TAFA5: variants seen among roughly 807,000 people sequenced by gnomAD.
TAFA5 encodes TAFA chemokine like family member 5, also known as chemokine-like protein TAFA-5.
Under a neutral mutation model 15.3 loss-of-function variants are expected in TAFA5, and 6 were observed. That is an observed-to-expected ratio of 0.39 (90% CI 0.21 to 0.77). The LOEUF (loss-of-function observed/expected upper bound fraction) is 0.77, where lower values mean the gene tolerates loss of function less well. Ranked by LOEUF, TAFA5 falls within the 30% of genes least tolerant of loss-of-function variation. TAFA5 has a pLI of 0.41. For missense variants in TAFA5, 161 were observed against 193.1 expected, an observed-to-expected ratio of 0.83 and a Z score of 0.98; for synonymous variants, 103 against 80.7, an observed-to-expected ratio of 1.28 and a Z score of -1.48.
intron 2 of TAFA5, among the ~76,000 whole-genome samples, chr22:48,698,166 AGTAGTGATGATG>A (rs1928785427): frequency 6.7e-6 from 1 of 149,556 alleles, no homozygotes; most frequent in South Asian, 2.1e-4. Context: ...TGATAGTGAT[AGTAGTGATGATG>A]GTGGTGATGA....
At chr22:48,707,947 A>G in intron 3 of TAFA5, 103 bp downstream of exon 3, 55 of 1,454,320 alleles carry the variant, frequency 3.8e-5, no homozygotes, top group Non-Finnish European at 4.7e-5. Context: ...GCAGCTGCTC[A>G]CTCCATCCTC....
intron 1 of TAFA5, among the ~76,000 whole-genome samples, chr22:48,583,586 C>T (rs1404458726): frequency 6.6e-6 from 1 of 151,120 alleles, no homozygotes; most frequent in Admixed American, 6.6e-5. Context: ...ACACACACCA[C>T]ACACCAAATA....
chr22:48,518,470 G>C (rs1386096219), intron 1 of TAFA5, among the ~76,000 whole-genome samples: 1 of 152,200 alleles, frequency 6.6e-6, no homozygotes, highest in Non-Finnish European at 1.5e-5. Flanking sequence ...GTCCGTCTGT[G>C]TCTCCTCCGC....
At chr22:48,501,158 C>T (rs981517237) in intron 1 of TAFA5, among the ~76,000 whole-genome samples, 1 of 152,186 alleles carries the variant, frequency 6.6e-6, no homozygotes, top group Non-Finnish European at 1.5e-5. Flanking sequence ...GTGGTGAGCC[C>T]CTCCCTCCGC....
At chr22:48,625,465 C>A (rs1925995803) in intron 1 of TAFA5, among the ~76,000 whole-genome samples, 2 of 152,246 alleles carry the variant, frequency 1.3e-5, no homozygotes, top group South Asian at 4.1e-4. Context: ...CAAGTATCCG[C>A]GTATAGCACT....
intron 1 of TAFA5, among the ~76,000 whole-genome samples, chr22:48,509,007 T>A (rs181159667): frequency 6.6e-6 from 1 of 152,206 alleles, no homozygotes; most frequent in Non-Finnish European, 1.5e-5. Context: ...TTCTCCTCTC[T>A]ATTTCTATGA....
At chr22:48,594,879 T>G (rs1160537781) in intron 1 of TAFA5, among the ~76,000 whole-genome samples, 1 of 62,546 alleles carries the variant, frequency 1.6e-5, no homozygotes, top group East Asian at 4.9e-4. Flanking sequence ...CTGAGCACAT[T>G]TTTTTTTTTT....
In TAFA5 at chr22:48,507,470, G is replaced by A. The variant is rs4823791; in HGVS notation, c.112+17766G>A. On this transcript the variant is annotated intron_variant, in intron 1 of 3. Coordinates refer to ENST00000402357, the MANE Select transcript of TAFA5 (RefSeq NM_001082967.3). ...TTGGAAAATCGCCAGACGTGGTGGC[G>A]TCTGCCTGGGACTTGATTTCTCTGA... 6.8e-3 allele frequency among the ~76,000 whole-genome samples: 1,043 copies of A among 152,334 alleles called. 8 individuals are homozygous for A. The highest frequency in any genetic ancestry group is 0.01 in the Non-Finnish European group (694 of 68,032).
At chr22:48,629,353 C>T (rs889658148) in intron 1 of TAFA5, among the ~76,000 whole-genome samples, 18 of 152,162 alleles carry the variant, frequency 1.2e-4, no homozygotes, top group African/African-American at 4.3e-4. Flanking sequence ...GTCCTGGCCT[C>T]GGCACCCCGG....
intron 1 of TAFA5, among the ~76,000 whole-genome samples, chr22:48,537,755 G>A (rs1465461540): frequency 6.6e-6 from 1 of 152,226 alleles, no homozygotes; most frequent in South Asian, 2.1e-4. Context: ...CAGCCCAGCA[G>A]CCTAGAAGGC....
intron 1 of TAFA5, among the ~76,000 whole-genome samples, chr22:48,592,457 C>G (rs906424572): frequency 3.9e-5 from 6 of 152,240 alleles, no homozygotes; most frequent in African/African-American, 1.4e-4. Flanking sequence ...TGGGACGTTG[C>G]ACTCAGCTCT....
intron 1 of TAFA5, among the ~76,000 whole-genome samples, chr22:48,593,326 A>G (rs544035814): frequency 5.3e-5 from 8 of 152,276 alleles, no homozygotes; most frequent in African/African-American, 1.4e-4. Flanking sequence ...ATGGGGAAAT[A>G]GAGGCACGGG....
intron 3 of TAFA5, among the ~76,000 whole-genome samples, chr22:48,737,469 G>A (rs899262975): frequency 8.5e-5 from 13 of 152,198 alleles, no homozygotes; most frequent in Non-Finnish European, 1.6e-4. Flanking sequence ...ACTGAATGAG[G>A]CTGTGGAGCT....
In TAFA5 at chr22:48,745,368, G is replaced by A. The variant is rs930692712; in HGVS notation, c.391-4471G>A. Among the ~76,000 whole-genome samples the A allele has an allele frequency of 8.8e-4, 130 of 147,870 alleles. 2 individuals carry two copies. Among genetic ancestry groups the A allele is most frequent in the African/African-American group, 3.2e-3 (125 of 39,584 alleles). ...GGCACACAACGGCTTTGTCGTCGGCGGCTGGCCTGCCCGGGGTTCACCCTG... is the reference window on the plus strand; with the variant it reads ...GGCACACAACGGCTTTGTCGTCGGCAGCTGGCCTGCCCGGGGTTCACCCTG... On this transcript the variant is annotated intron_variant, in intron 3 of 3. Coordinates refer to ENST00000402357, the MANE Select transcript of TAFA5 (RefSeq NM_001082967.3).
intron 1 of TAFA5, among the ~76,000 whole-genome samples, chr22:48,642,157 T>G (rs1046435520): frequency 6.6e-6 from 1 of 152,118 alleles, no homozygotes; most frequent in African/African-American, 2.4e-5. Flanking sequence ...TGTGCTTTGC[T>G]GCGTGGGGCA....
At chr22:48,732,621 A>T (rs1929900744) in intron 3 of TAFA5, among the ~76,000 whole-genome samples, 1 of 152,186 alleles carries the variant, frequency 6.6e-6, no homozygotes, top group Non-Finnish European at 1.5e-5. Flanking sequence ...GGAAATGATG[A>T]CATAGGATTT....
intron 1 of TAFA5, among the ~76,000 whole-genome samples, chr22:48,623,089 T>C (rs1472997732): frequency 1.3e-5 from 2 of 152,244 alleles, no homozygotes; most frequent in African/African-American, 4.8e-5. Flanking sequence ...ATGTGTTCTG[T>C]GGGCTGCAGG....
At chr22:48,617,232 G>C in intron 1 of TAFA5, among the ~76,000 whole-genome samples, 1 of 147,834 alleles carries the variant, frequency 6.8e-6, no homozygotes, top group Non-Finnish European at 1.5e-5. Flanking sequence ...AGGCGTCCTG[G>C]GAAGAGGAGG....
intron 1 of TAFA5, among the ~76,000 whole-genome samples, chr22:48,584,618 A>G (rs1924260943): frequency 6.7e-6 from 1 of 148,370 alleles, no homozygotes; most frequent in Non-Finnish European, 1.5e-5. Context: ...ACACGCATGC[A>G]CACACACCAC....
Sources: gnomAD v4.1 joint callset for allele counts (sites outside exome capture counted in the v4.1 genomes callset) on GRCh38, gnomAD v4.1.1 for gene constraint, MANE v1.5 for transcripts, NCBI Gene and HGNC (gene_info 2026-07-23, HGNC 2026-07-21) for gene names.